The following CPED1 variants were observed in gnomAD, a reference collection of about 807,000 sequenced individuals.
The protein encoded by CPED1 is cadherin like and PC-esterase domain containing 1, also known as cadherin-like and PC-esterase domain-containing protein 1.
In CPED1, 114 loss-of-function variants were observed where a neutral mutation model predicts 128.2. That is an observed-to-expected ratio of 0.89 (90% CI 0.76 to 1.04). The LOEUF (loss-of-function observed/expected upper bound fraction) is 1.04. Ranked by LOEUF, CPED1 falls within the 50% of genes least tolerant of loss-of-function variation. The probability of loss-of-function intolerance (pLI) is 0.00; values close to 1 mark genes in which losing one functional copy is unlikely to be tolerated. For missense variants in CPED1, 1,211 were observed against 1,207.1 expected (o/e 1.00, Z -0.05); for synonymous variants, 462 against 426.7 (o/e 1.08, Z -1.02).
At chr7:121,126,877 T>C (rs1795516623) in intron 9 of CPED1, among the ~76,000 whole-genome samples, 1 of 152,112 alleles carries the variant, frequency 6.6e-6, no homozygotes, top group South Asian at 2.1e-4. Context: ...TATTAGTTAA[T>C]TTTCTTATAC....
chr7:121,139,188 A>G (rs554250276), intron 14 of CPED1, among the ~76,000 whole-genome samples: 168 of 152,178 alleles, frequency 1.1e-3, no homozygotes, highest in African/African-American at 3.8e-3. Flanking sequence ...AGGTCAAATT[A>G]CAAGTAAAAT....
At chr7:121,030,387 A>G (rs541983532) in intron 3 of CPED1, among the ~76,000 whole-genome samples, 3 of 152,342 alleles carry the variant, frequency 2.0e-5, no homozygotes, top group African/African-American at 7.2e-5. Flanking sequence ...AAAATATTAA[A>G]TTGAAAACTC....
At chr7:121,155,044 C>T (rs913960487) in intron 16 of CPED1, among the ~76,000 whole-genome samples, 17 of 151,876 alleles carry the variant, frequency 1.1e-4, no homozygotes, top group African/African-American at 4.1e-4. Flanking sequence ...AATCAACATA[C>T]AAAAATCAAT....
At chr7:121,023,401 C>G (rs1792491965) in intron 3 of CPED1, among the ~76,000 whole-genome samples, 2 of 152,064 alleles carry the variant, frequency 1.3e-5, no homozygotes, top group African/African-American at 4.8e-5. Context: ...CAGCCCAGAA[C>G]AAAAAGTAGG....
chr7:121,212,973 G>T (rs1305149604), intron 16 of CPED1, among the ~76,000 whole-genome samples: 1 of 151,930 alleles, frequency 6.6e-6, no homozygotes, highest in East Asian at 1.9e-4. Context: ...TTTTCCGGGG[G>T]GGTGCAGGAG....
chr7:121,171,971 CTATT>C (rs1295787416), intron 16 of CPED1, among the ~76,000 whole-genome samples: 1 of 152,154 alleles, frequency 6.6e-6, no homozygotes, highest in South Asian at 2.1e-4. Flanking sequence ...TTTTAAAAAT[CTATT>C]TATTTGAACC....
intron 7 of CPED1, among the ~76,000 whole-genome samples, chr7:121,109,158 C>A (rs996489225): frequency 1.3e-5 from 2 of 152,018 alleles, no homozygotes; most frequent in Non-Finnish European, 2.9e-5. Flanking sequence ...TGTTTTATTT[C>A]TCTGAGTGCT....
chr7:121,132,568 C>T (rs373678712), intron 12 of CPED1, among the ~76,000 whole-genome samples: 2 of 152,132 alleles, frequency 1.3e-5, no homozygotes, highest in African/African-American at 4.8e-5. Flanking sequence ...GAGATCTCAA[C>T]AGAATTAGTG....
intron 16 of CPED1, among the ~76,000 whole-genome samples, chr7:121,150,950 G>C (rs1355438923): frequency 2.0e-5 from 3 of 152,036 alleles, no homozygotes; most frequent in Non-Finnish European, 4.4e-5. Flanking sequence ...TGTAATTTTA[G>C]TAGAGCTGGG....
At chr7:121,207,534 G>C (rs1238812638) in intron 16 of CPED1, among the ~76,000 whole-genome samples, 1 of 151,950 alleles carries the variant, frequency 6.6e-6, no homozygotes, top group Non-Finnish European at 1.5e-5. Context: ...ACTAATTTCA[G>C]GTTTTCGTAT....
At chr7:121,044,959 G>A (rs1374007833) in intron 3 of CPED1, among the ~76,000 whole-genome samples, 2 of 152,054 alleles carry the variant, frequency 1.3e-5, no homozygotes, top group Admixed American at 6.6e-5. Context: ...GGAATCATAT[G>A]ACAGGAGGTT....
At chr7:121,265,196 A>G (rs1792099190) in intron 18 of CPED1, among the ~76,000 whole-genome samples, 1 of 152,050 alleles carries the variant, frequency 6.6e-6, no homozygotes, top group Non-Finnish European at 1.5e-5. Context: ...GAAAAGTAGA[A>G]GTCTAACATG....
At chr7:120,994,582 T>C (rs41691) in intron 2 of CPED1, among the ~76,000 whole-genome samples, 33,448 of 151,652 alleles carry the variant, frequency 0.22, 3,933 homozygotes, top group African/African-American at 0.26. Context: ...ATGAAATAGC[T>C]GGATAGCCTG....
chr7:120,993,434 T>G (rs1383226900), intron 2 of CPED1, among the ~76,000 whole-genome samples: 1 of 152,216 alleles, frequency 6.6e-6, no homozygotes, highest in Non-Finnish European at 1.5e-5. Flanking sequence ...TCATTTCCCA[T>G]GTCTTCTTGA....
intron 16 of CPED1, among the ~76,000 whole-genome samples, chr7:121,153,093 G>A (rs979531818): frequency 5.9e-5 from 9 of 152,122 alleles, no homozygotes; most frequent in African/African-American, 1.9e-4. Context: ...ATTCCATTAA[G>A]GATAAGGATG....
intron 16 of CPED1, among the ~76,000 whole-genome samples, chr7:121,222,346 T>G (rs1043519928): frequency 6.6e-6 from 1 of 152,204 alleles, no homozygotes; most frequent in Non-Finnish European, 1.5e-5. Flanking sequence ...CCATGCTGTT[T>G]TGTTTACTGT....
chr7:121,069,080 A>G (rs1475819474), intron 5 of CPED1, among the ~76,000 whole-genome samples: 1 of 152,126 alleles, frequency 6.6e-6, no homozygotes, highest in East Asian at 1.9e-4. Flanking sequence ...GGAGTGAGGC[A>G]CTATCTCTTT....
chr7:121,108,196 G>A (rs1033629981), intron 7 of CPED1, among the ~76,000 whole-genome samples: 12 of 152,016 alleles, frequency 7.9e-5, no homozygotes, highest in African/African-American at 2.9e-4. Context: ...AAAGCATGGA[G>A]CATTTTTCCC....
At chr7:121,247,885 TA>T in intron 18 of CPED1, among the ~76,000 whole-genome samples, 1 of 152,152 alleles carries the variant, frequency 6.6e-6, no homozygotes, top group South Asian at 2.1e-4. Flanking sequence ...CAGAAGAAAA[TA>T]GGGCCAACTT....
Sources: gnomAD v4.1 joint callset for allele counts (sites outside exome capture counted in the v4.1 genomes callset) on GRCh38, gnomAD v4.1.1 for gene constraint, MANE v1.5 for transcripts, NCBI Gene and HGNC (gene_info 2026-07-23, HGNC 2026-07-21) for gene names.